Variants in AFG2A observed in about 807,000 individuals in gnomAD.
AFG2A encodes AAA ATPase AFG2A.
the AFG2A span, among the ~76,000 whole-genome samples, chr4:123,199,989 T>C: frequency 1.6e-3 from 250 of 152,372 alleles, 1 homozygote; most frequent in Middle Eastern, 0.014. Flanking sequence ...TTATAAAACA[T>C]GTTCTAAGGA....
the AFG2A span, among the ~76,000 whole-genome samples, chr4:123,003,074 C>G: frequency 8.5e-5 from 13 of 152,158 alleles, no homozygotes; most frequent in Admixed American, 7.9e-4. Flanking sequence ...ATCACTGATA[C>G]CCTTTCTTCC....
At chr4:123,075,809 T>G in the AFG2A span, among the ~76,000 whole-genome samples, 2 of 151,232 alleles carry the variant, frequency 1.3e-5, no homozygotes, top group Non-Finnish European at 2.9e-5. Flanking sequence ...AATACAAAAT[T>G]AGCTGGGCGT....
chr4:122,981,768 C>G, the AFG2A span, among the ~76,000 whole-genome samples: 62 of 151,986 alleles, frequency 4.1e-4, no homozygotes, highest in Non-Finnish European at 8.0e-4. Context: ...TTAAAAAATA[C>G]TATTGTAAAT....
the AFG2A span, among the ~76,000 whole-genome samples, chr4:123,100,011 A>G: frequency 6.6e-6 from 1 of 151,892 alleles, no homozygotes; most frequent in Non-Finnish European, 1.5e-5. Context: ...TATTAGAGAA[A>G]GTAATACCAT....
chr4:123,278,376 ATCTG>A, the AFG2A span, among the ~76,000 whole-genome samples: 474 of 151,974 alleles, frequency 3.1e-3, 4 homozygotes, highest in African/African-American at 0.011. Flanking sequence ...CTAGCAGTCT[ATCTG>A]TCTTAATTTT....
the AFG2A span, among the ~76,000 whole-genome samples, chr4:123,003,811 C>G: frequency 6.6e-6 from 1 of 152,172 alleles, no homozygotes; most frequent in Non-Finnish European, 1.5e-5. Flanking sequence ...CAGCTGCGTG[C>G]TGGGAAAACC....
chr4:123,008,560 G>T, the AFG2A span, among the ~76,000 whole-genome samples: 2 of 152,142 alleles, frequency 1.3e-5, no homozygotes, highest in African/African-American at 4.8e-5. Flanking sequence ...CCATGCCACA[G>T]CATAGGACAT....
At chr4:123,236,832 G>A in the AFG2A span, among the ~76,000 whole-genome samples, 3,226 of 152,282 alleles carry the variant, frequency 0.021, 63 homozygotes, top group Non-Finnish European at 0.035. Context: ...GGATGTAAAT[G>A]GGGAACAAGA....
At chr4:123,232,885 C>T in the AFG2A span, among the ~76,000 whole-genome samples, 1 of 152,028 alleles carries the variant, frequency 6.6e-6, no homozygotes, top group African/African-American at 2.4e-5. Flanking sequence ...ACTGTCAATT[C>T]TTAGCATCAC....
chr4:123,262,374 A>G, the AFG2A span, among the ~76,000 whole-genome samples: 1 of 152,236 alleles, frequency 6.6e-6, no homozygotes, highest in East Asian at 1.9e-4. Flanking sequence ...CGAAAGAACT[A>G]AAGTCAAGCA....
chr4:123,195,081 TA>T, the AFG2A span, among the ~76,000 whole-genome samples: 2 of 152,114 alleles, frequency 1.3e-5, no homozygotes, highest in Non-Finnish European at 2.9e-5. Context: ...GTTGATAAAA[TA>T]AAACAAAAGC....
At chr4:123,163,212 G>A in the AFG2A span, among the ~76,000 whole-genome samples, 2 of 152,162 alleles carry the variant, frequency 1.3e-5, no homozygotes, top group Non-Finnish European at 2.9e-5. Flanking sequence ...GAGGCGGGTG[G>A]ATCACAAGGT....
At chr4:123,195,387 G>T in the AFG2A span, among the ~76,000 whole-genome samples, 3 of 151,892 alleles carry the variant, frequency 2.0e-5, no homozygotes, top group South Asian at 6.3e-4. Flanking sequence ...TCAAATTTTG[G>T]GTTTTTTTCT....
the AFG2A span, among the ~76,000 whole-genome samples, chr4:123,159,087 G>A: frequency 1.3e-5 from 2 of 152,126 alleles, no homozygotes; most frequent in African/African-American, 4.8e-5. Context: ...ATTTTGTTAG[G>A]AAGAATTATA....
At chr4:122,952,361 G>C in the AFG2A span, among the ~76,000 whole-genome samples, 6 of 152,072 alleles carry the variant, frequency 3.9e-5, no homozygotes, top group Non-Finnish European at 8.8e-5. Context: ...TGGTTCAAAG[G>C]CCTCATCCTT....
At chr4:123,017,284 A>G in the AFG2A span, among the ~76,000 whole-genome samples, 1 of 147,762 alleles carries the variant, frequency 6.8e-6, no homozygotes, top group Non-Finnish European at 1.5e-5. Flanking sequence ...GAGAGCTGAC[A>G]TTTTTCTTTT....
At chr4:123,221,243 C>A in the AFG2A span, among the ~76,000 whole-genome samples, 1 of 152,172 alleles carries the variant, frequency 6.6e-6, no homozygotes, top group Non-Finnish European at 1.5e-5. Flanking sequence ...GCAGCCTAGA[C>A]CTCCTGGGCT....
chr4:123,235,622 A>G, the AFG2A span, among the ~76,000 whole-genome samples: 3 of 152,228 alleles, frequency 2.0e-5, no homozygotes, highest in African/African-American at 7.2e-5. Flanking sequence ...GACTATGTCA[A>G]CTACTTGGTG....
chr4:123,253,985 A>G, the AFG2A span, among the ~76,000 whole-genome samples: 1 of 152,198 alleles, frequency 6.6e-6, no homozygotes, highest in Non-Finnish European at 1.5e-5. Context: ...ATCTTTTCAC[A>G]TACTTACCTC....
Sources: gnomAD v4.1 joint callset for allele counts (sites outside exome capture counted in the v4.1 genomes callset) on GRCh38, gnomAD v4.1.1 for gene constraint, MANE v1.5 for transcripts, NCBI Gene and HGNC (gene_info 2026-07-23, HGNC 2026-07-21) for gene names.